TMEM123: variants seen among roughly 807,000 people sequenced by gnomAD.
TMEM123 encodes porimin.
In TMEM123, 16 loss-of-function variants were observed where a neutral mutation model predicts 19.7. The observed-to-expected ratio is 0.81, with a 90% CI of 0.55 to 1.23. The LOEUF is 1.23. TMEM123 is among the 50% of genes most tolerant of loss of function. The probability of loss-of-function intolerance (pLI) is 0.00; values close to 1 mark genes in which losing one functional copy is unlikely to be tolerated. For synonymous variants in TMEM123, 118 were observed against 99.4 expected, an observed-to-expected ratio of 1.19 and a Z score of -1.12; for missense variants, 313 against 257.8, an observed-to-expected ratio of 1.21 and a Z score of -1.47.
At chr11:102,444,459 C>T (rs974962915) in intron 2 of TMEM123, among the ~76,000 whole-genome samples, 3 of 149,186 alleles carry the variant, frequency 2.0e-5, no homozygotes, top group Admixed American at 6.7e-5. Context: ...AACCAAATAC[C>T]GTATGTTCTC....
intron 2 of TMEM123, among the ~76,000 whole-genome samples, chr11:102,404,407 CT>C (rs1951936946): frequency 1.3e-5 from 2 of 152,076 alleles, no homozygotes; most frequent in Admixed American, 1.3e-4. Context: ...CCTCAGCCTA[CT>C]CAGTAGCTGG....
intron 2 of TMEM123, among the ~76,000 whole-genome samples, chr11:102,415,032 A>T (rs1261022038): frequency 6.6e-6 from 1 of 152,226 alleles, no homozygotes; most frequent in Non-Finnish European, 1.5e-5. Flanking sequence ...AAAAAACAAC[A>T]GAGGTTGCTA....
rs772170671 is a variant in TMEM123 at position 102,402,141 on chromosome 11, T to G, written c.223A>C (p.Thr75Pro). ...ETSNSTVKPP[T>P]SVASDSSNTT... ...TTACTGGAGTCTGAGGCAACTGAAG[T>G]TGGTGGTTTCACAGTACTGTTGGAA... Residue 75 changes from threonine (T) to proline (P), a missense_variant, in exon 3 of 5, where the codon ACT becomes CCT. By Grantham distance (38) the Thr-to-Pro change is conservative (BLOSUM62 -1). Transcript: ENST00000398136. 4 of 1,614,014 alleles carry G rather than the reference T, an allele frequency of 2.5e-6. No individual in the cohort carries two copies. In the Admixed American group the frequency reaches 5.0e-5, roughly 20 times the overall value.
intron 2 of TMEM123, among the ~76,000 whole-genome samples, chr11:102,402,960 G>A (rs1382895573): frequency 1.3e-5 from 2 of 152,000 alleles, no homozygotes; most frequent in African/African-American, 4.8e-5. Context: ...TTTTTTGGGG[G>A]GTATAATGTA....
At chr11:102,435,139 A>G (rs976049666) in intron 2 of TMEM123, among the ~76,000 whole-genome samples, 1 of 151,958 alleles carries the variant, frequency 6.6e-6, no homozygotes, top group African/African-American at 2.4e-5. Context: ...CAGAAGTTTG[A>G]GACCAGCTTG....
chr11:102,432,541 G>GT (rs1298467696), intron 2 of TMEM123, among the ~76,000 whole-genome samples: 11 of 152,276 alleles, frequency 7.2e-5, no homozygotes, highest in Non-Finnish European at 1.3e-4. Flanking sequence ...GTAGCAGAGC[G>GT]TAAGAGTTTG....
At chr11:102,402,851 T>C (rs1951925056) in intron 2 of TMEM123, among the ~76,000 whole-genome samples, 2 of 152,248 alleles carry the variant, frequency 1.3e-5, no homozygotes, top group South Asian at 4.1e-4. Flanking sequence ...GTGAAAGTTT[T>C]ACAAGTCCAA....
At chr11:102,431,407 A>G (rs1332873538) in intron 2 of TMEM123, among the ~76,000 whole-genome samples, 1 of 152,226 alleles carries the variant, frequency 6.6e-6, no homozygotes, top group African/African-American at 2.4e-5. Flanking sequence ...TGGTGAGAAC[A>G]TTGAAATTTT....
intron 2 of TMEM123, among the ~76,000 whole-genome samples, chr11:102,414,606 TGAG>T (rs904314207): frequency 1.3e-5 from 2 of 152,136 alleles, no homozygotes; most frequent in African/African-American, 4.8e-5. Flanking sequence ...CTAAACTTCA[TGAG>T]CAAAGGAAAA....
intron 2 of TMEM123, among the ~76,000 whole-genome samples, chr11:102,427,508 G>A (rs1179732206): frequency 2.7e-5 from 4 of 147,894 alleles, no homozygotes; most frequent in African/African-American, 7.5e-5. Flanking sequence ...GAGTGCAGTG[G>A]CACAATCTCA....
chr11:102,402,361 G>C (rs1951921841), intron 2 of TMEM123, among the ~76,000 whole-genome samples, 155 bp from the exon 3 acceptor site: 1 of 151,706 alleles, frequency 6.6e-6, no homozygotes, highest in Non-Finnish European at 1.5e-5. Context: ...GCACTATACT[G>C]CAATAAAATG....
intron 2 of TMEM123, among the ~76,000 whole-genome samples, chr11:102,406,651 A>G (rs1049441071): frequency 6.6e-6 from 1 of 152,044 alleles, no homozygotes; most frequent in Non-Finnish European, 1.5e-5. Flanking sequence ...TGAGGTGGGT[A>G]GATCACGAGG....
chr11:102,439,555 T>TC (rs1402957189), intron 2 of TMEM123, among the ~76,000 whole-genome samples: 2 of 152,094 alleles, frequency 1.3e-5, no homozygotes, highest in African/African-American at 4.8e-5. Context: ...GTCACCATCA[T>TC]CAAAGACCAA....
intron 2 of TMEM123, among the ~76,000 whole-genome samples, chr11:102,419,557 T>A (rs1383564099): frequency 1.3e-5 from 2 of 152,234 alleles, no homozygotes; most frequent in Non-Finnish European, 2.9e-5. Flanking sequence ...TGTTAGACAA[T>A]GGCTTTTTAA....
At chr11:102,445,950 G>A (rs1327735422) in intron 2 of TMEM123, among the ~76,000 whole-genome samples, 5 of 152,176 alleles carry the variant, frequency 3.3e-5, no homozygotes, top group Non-Finnish European at 7.4e-5. Flanking sequence ...ATGATTAAGA[G>A]ATAAACGGCT....
chr11:102,415,981 C>G (rs1952041665), intron 2 of TMEM123, among the ~76,000 whole-genome samples: 1 of 152,054 alleles, frequency 6.6e-6, no homozygotes, highest in Non-Finnish European at 1.5e-5. Context: ...ATGGTGCAGT[C>G]TCAGCTCACT....
chr11:102,404,890 T>C (rs1230001936), intron 2 of TMEM123, among the ~76,000 whole-genome samples: 1 of 152,002 alleles, frequency 6.6e-6, no homozygotes, highest in African/African-American at 2.4e-5. Context: ...TAAGCCACCA[T>C]GCTCGGCCCC....
chr11:102,410,999 T>C (rs988823449), intron 2 of TMEM123, among the ~76,000 whole-genome samples: 45 of 152,296 alleles, frequency 3.0e-4, no homozygotes, highest in African/African-American at 1.1e-3. Context: ...CCCTGGTTCC[T>C]GGCACAGAGT....
intron 2 of TMEM123, among the ~76,000 whole-genome samples, chr11:102,418,848 A>G (rs1302847343): frequency 6.6e-6 from 1 of 152,218 alleles, no homozygotes; most frequent in East Asian, 1.9e-4. Flanking sequence ...ATGAAATCAC[A>G]TCCTTTGCAG....
Sources: gnomAD v4.1 joint callset for allele counts (sites outside exome capture counted in the v4.1 genomes callset) on GRCh38, gnomAD v4.1.1 for gene constraint, MANE v1.5 for transcripts, NCBI Gene and HGNC (gene_info 2026-07-23, HGNC 2026-07-21) for gene names.